Variants in MINPP1 observed in about 807,000 individuals in gnomAD.
MINPP1 encodes multiple inositol-polyphosphate phosphatase 1.
Under a neutral mutation model 46.1 loss-of-function variants are expected in MINPP1, and 28 were observed. That is an observed-to-expected ratio of 0.61 (90% CI 0.45 to 0.83). The LOEUF (loss-of-function observed/expected upper bound fraction) is 0.83, where lower values mean the gene tolerates loss of function less well. MINPP1 is among the 40% of genes least tolerant of loss of function. MINPP1 has a pLI of 0.00. For missense variants in MINPP1, 603 were observed against 610.0 expected (o/e 0.99, Z 0.12); for synonymous variants, 268 against 249.1 (o/e 1.08, Z -0.72).
chr10:87,526,500 G>A (rs1032262354), intron 4 of MINPP1, among the ~76,000 whole-genome samples: 1 of 152,178 alleles, frequency 6.6e-6, no homozygotes, highest in African/African-American at 2.4e-5. Flanking sequence ...TAGGTTGCCT[G>A]TTCACTCTGA....
intron 2 of MINPP1, among the ~76,000 whole-genome samples, chr10:87,512,616 C>T (rs1046257611): frequency 3.3e-5 from 5 of 152,164 alleles, no homozygotes; most frequent in African/African-American, 9.7e-5. Context: ...ATAACCTTAG[C>T]CCCCCTCCTT....
chr10:87,523,076 A>G (rs1589375742), intron 4 of MINPP1, among the ~76,000 whole-genome samples: 1 of 152,212 alleles, frequency 6.6e-6, no homozygotes, highest in African/African-American at 2.4e-5. Context: ...TTTGGGCACC[A>G]CTTGTAATTT....
chr10:87,544,745 ATTACT>A (rs1158376775), intron 4 of MINPP1, among the ~76,000 whole-genome samples: 3 of 152,182 alleles, frequency 2.0e-5, no homozygotes, highest in Non-Finnish European at 4.4e-5. Context: ...AATAATAAAG[ATTACT>A]TTATTTATGA....
chr10:87,520,525 C>G (rs1851485443), intron 3 of MINPP1, among the ~76,000 whole-genome samples: 2 of 152,090 alleles, frequency 1.3e-5, no homozygotes, highest in Non-Finnish European at 2.9e-5. Context: ...GATACATGAA[C>G]CAAAGTAACT....
chr10:87,505,607 C>A lies in MINPP1; in HGVS notation c.637+55C>A. The A allele has an allele frequency of 1.3e-6, 2 of 1,489,676 alleles. No homozygotes were observed. The highest frequency in any genetic ancestry group is 1.2e-5 in the South Asian group (1 of 82,674). The allele number at this position is 1,489,676 out of a possible 1,614,324, so 92.3% of individuals were successfully genotyped here. A position where few individuals can be genotyped will look rare whatever the true frequency, so the allele number is the denominator to read the frequency against. ...CCGGTCCTCCCACCCGCCCTGGATG[C>A]TCTCCCGCCTCCCCCAGACCCTGGG... is the stretch of plus-strand genomic sequence containing the variant. On this transcript the variant is annotated intron_variant, in intron 1 of 4. Coordinates refer to ENST00000371996, the MANE Select transcript of MINPP1 (RefSeq NM_004897.5). The surrounding 1 kb of genome is among the most constrained non-coding windows in gnomAD (Gnocchi z 4.4).
At chr10:87,519,712 A>G (rs771612199) in intron 3 of MINPP1, among the ~76,000 whole-genome samples, 1 of 152,142 alleles carries the variant, frequency 6.6e-6, no homozygotes, top group Admixed American at 6.5e-5. Flanking sequence ...AAAACTTACT[A>G]TGACATGCAC....
intron 4 of MINPP1, among the ~76,000 whole-genome samples, chr10:87,528,503 A>G (rs1851610608): frequency 6.6e-6 from 1 of 152,130 alleles, no homozygotes; most frequent in Non-Finnish European, 1.5e-5. Flanking sequence ...TTCAGTTTCC[A>G]TGTAGTTGAG....
intron 3 of MINPP1, among the ~76,000 whole-genome samples, chr10:87,513,877 G>A (rs550218896): frequency 3.6e-4 from 55 of 152,102 alleles, no homozygotes; most frequent in African/African-American, 1.2e-3. Context: ...CAATAGAGCC[G>A]TATACAATAG....
At chr10:87,546,932 T>C (rs899913697) in intron 4 of MINPP1, among the ~76,000 whole-genome samples, 8 of 152,172 alleles carry the variant, frequency 5.3e-5, no homozygotes, top group African/African-American at 1.9e-4. Flanking sequence ...CCTGTATCTT[T>C]AAACAAAAAC....
intron 4 of MINPP1, among the ~76,000 whole-genome samples, chr10:87,542,068 A>T (rs1274182927): frequency 6.6e-6 from 1 of 152,138 alleles, no homozygotes; most frequent in Admixed American, 6.6e-5. Flanking sequence ...TCCAGCATTA[A>T]CTCAAAAGTC....
At chr10:87,523,832 T>C (rs1213499767) in intron 4 of MINPP1, among the ~76,000 whole-genome samples, 1 of 152,158 alleles carries the variant, frequency 6.6e-6, no homozygotes, top group Non-Finnish European at 1.5e-5. Flanking sequence ...TGAGCAGTAA[T>C]ATTTTGAAAG....
chr10:87,514,297 A>G (rs1589371057), intron 3 of MINPP1, among the ~76,000 whole-genome samples: 1 of 152,236 alleles, frequency 6.6e-6, no homozygotes, highest in Admixed American at 6.5e-5. Flanking sequence ...ATTCTTTTGT[A>G]TAACCACAAT....
intron 3 of MINPP1, among the ~76,000 whole-genome samples, chr10:87,515,021 T>C (rs1851393168): frequency 6.6e-6 from 1 of 151,756 alleles, no homozygotes; most frequent in African/African-American, 2.4e-5. Flanking sequence ...TGGCCAGTGA[T>C]GTTTGATCAT....
At chr10:87,519,481 A>C (rs1012014024) in intron 3 of MINPP1, among the ~76,000 whole-genome samples, 2 of 152,084 alleles carry the variant, frequency 1.3e-5, no homozygotes, top group African/African-American at 2.4e-5. Context: ...CATTTCCTTC[A>C]ATTTATAACC....
chr10:87,546,617 GAATT>G (rs1851890372), intron 4 of MINPP1: 1 of 152,178 alleles, frequency 6.6e-6, no homozygotes, highest in African/African-American at 2.4e-5. Flanking sequence ...CGTTGGAAAA[GAATT>G]GATGCCTTAT....
chr10:87,520,824 C>T (rs545138383), intron 3 of MINPP1, among the ~76,000 whole-genome samples: 1 of 152,256 alleles, frequency 6.6e-6, no homozygotes, highest in African/African-American at 2.4e-5. Flanking sequence ...CCAGCATCTA[C>T]ATTCCCCCAA....
intron 4 of MINPP1, among the ~76,000 whole-genome samples, chr10:87,532,813 T>A (rs971199400): frequency 1.2e-4 from 19 of 152,212 alleles, no homozygotes; most frequent in African/African-American, 4.6e-4. Context: ...AATGGACTTT[T>A]AAAAGTAATT....
chr10:87,526,993 T>G (rs1464809464), intron 4 of MINPP1, among the ~76,000 whole-genome samples: 1 of 152,230 alleles, frequency 6.6e-6, no homozygotes, highest in Non-Finnish European at 1.5e-5. Context: ...GCCTCCAGCT[T>G]TGTTCTTTTG....
Position 87,516,752 on chromosome 10 carries a change from A to G in MINPP1, c.933+3531A>G, listed in dbSNP as rs1851416750. 1.8e-5 allele frequency among the ~76,000 whole-genome samples: 2 copies of G among 111,380 alleles called. 1 individual carries two copies. The allele number at this position is 111,380 out of a possible 152,430, so 73.1% of individuals were successfully genotyped here. On this transcript the variant is annotated intron_variant, in intron 3 of 4. Coordinates refer to ENST00000371996, the MANE Select transcript of MINPP1 (RefSeq NM_004897.5). ...TATGTTATCCATTATTTGCTGAATT[A>G]AGCAAATATATCTTTTGATTTTAAA...
Sources: allele counts gnomAD v4.1 joint callset (sites outside exome capture counted in the v4.1 genomes callset), GRCh38; gene constraint gnomAD v4.1.1; non-coding constraint Gnocchi (gnomAD v3.1); transcripts MANE v1.5; gene names NCBI Gene and HGNC (gene_info 2026-07-23, HGNC 2026-07-21).